The following AGBL4 variants were observed in gnomAD, a reference collection of about 807,000 sequenced individuals.
AGBL4 encodes AGBL carboxypeptidase 4.
A neutral mutation model predicts 66.4 loss-of-function variants in AGBL4; 58 were observed. That is an observed-to-expected ratio of 0.87 (90% CI 0.71 to 1.09). The LOEUF (loss-of-function observed/expected upper bound fraction) is 1.09. Among genes scored for constraint, AGBL4 ranks in the 50% least tolerant of loss-of-function variants. The pLI is 0.00. For synonymous variants in AGBL4, 234 were observed against 222.9 expected, an observed-to-expected ratio of 1.05 and a Z score of -0.44; for missense variants, 579 against 631.0, an observed-to-expected ratio of 0.92 and a Z score of 0.88.
chr1:49,874,126 A>C (rs978342054), intron 1 of AGBL4, among the ~76,000 whole-genome samples: 4 of 152,152 alleles, frequency 2.6e-5, no homozygotes, highest in Non-Finnish European at 4.4e-5. Context: ...TAATGTTTTT[A>C]CTACAAATAA....
intron 3 of AGBL4, among the ~76,000 whole-genome samples, chr1:49,505,949 T>C (rs1648639772): frequency 6.6e-6 from 1 of 152,036 alleles, no homozygotes; most frequent in Non-Finnish European, 1.5e-5. Flanking sequence ...ATAATCTGTC[T>C]TCAGGTTTAC....
chr1:49,032,036 T>C (rs1557579218), intron 5 of AGBL4, among the ~76,000 whole-genome samples: 1 of 152,090 alleles, frequency 6.6e-6, no homozygotes, highest in Admixed American at 6.5e-5. Flanking sequence ...ATTAGGCAAA[T>C]GGCAATAGAG....
In AGBL4 at chr1:49,659,888, G is replaced by A. The variant is rs777918871; in HGVS notation, c.282+37425C>T. Among the ~76,000 whole-genome samples the A allele has an allele frequency of 6.0e-4, 92 of 152,094 alleles. 1 individual carries two copies. The highest frequency in any genetic ancestry group is 1.4e-3 in the Admixed American group (22 of 15,248). On this transcript the variant is annotated intron_variant, in intron 3 of 13. Coordinates refer to ENST00000371839, the MANE Select transcript of AGBL4 (RefSeq NM_032785.4). ...GGAAGTAAATCACTCCTCAGCAAAT[G>A]CAAGGCTACAGTAACCGAAACAGCA... is the stretch of plus-strand genomic sequence containing the variant.
Position 49,473,374 on chromosome 1 carries a change from T to G in AGBL4, c.282+223939A>C, listed in dbSNP as rs567135112. ...GATGGTACCTCATTGTGGTTTTGATTTGTATCTGTTTGATGATTAGTGAGG... is the reference window on the plus strand; with the variant it reads ...GATGGTACCTCATTGTGGTTTTGATGTGTATCTGTTTGATGATTAGTGAGG... On this transcript the variant is annotated intron_variant, in intron 3 of 13. Coordinates refer to ENST00000371839, the MANE Select transcript of AGBL4 (RefSeq NM_032785.4). 2.0e-5 allele frequency among the ~76,000 whole-genome samples: 3 copies of G among 152,210 alleles called. No individual in the cohort carries two copies. In the South Asian group the frequency reaches 6.2e-4, roughly 32 times the overall value.
intron 3 of AGBL4, among the ~76,000 whole-genome samples, chr1:49,548,140 G>T (rs1010012850): frequency 1.3e-5 from 2 of 152,130 alleles, no homozygotes; most frequent in Non-Finnish European, 2.9e-5. Flanking sequence ...ACTGATTTGT[G>T]TACACTAGTC....
chr1:49,352,866 T>G (rs986800273), intron 3 of AGBL4, among the ~76,000 whole-genome samples: 1 of 152,178 alleles, frequency 6.6e-6, no homozygotes, highest in African/African-American at 2.4e-5. Context: ...AAATGTCACA[T>G]AGTAGTAGCA....
At chr1:49,382,654 C>T (rs1185208725) in intron 3 of AGBL4, among the ~76,000 whole-genome samples, 1 of 152,024 alleles carries the variant, frequency 6.6e-6, no homozygotes, top group Admixed American at 6.6e-5. Context: ...ACTGGAAGTC[C>T]TAGTCAGAGT....
At chr1:49,202,543 A>T (rs1647790010) in intron 4 of AGBL4, among the ~76,000 whole-genome samples, 1 of 152,132 alleles carries the variant, frequency 6.6e-6, no homozygotes, top group Non-Finnish European at 1.5e-5. Flanking sequence ...CTTCTTCAAC[A>T]ATTGGTATTG....
At chr1:48,657,981 C>T (rs1646047394) in intron 7 of AGBL4, among the ~76,000 whole-genome samples, 1 of 152,174 alleles carries the variant, frequency 6.6e-6, no homozygotes, top group Non-Finnish European at 1.5e-5. Flanking sequence ...TTTTTAGTGC[C>T]TAGCTCAGTG....
At chr1:48,590,761 C>G in intron 10 of AGBL4, 72 bp downstream of exon 10, 1 of 1,492,336 alleles carries the variant, frequency 6.7e-7, no homozygotes, top group Non-Finnish European at 9.0e-7. Flanking sequence ...GCAAACTGAA[C>G]TGAGTGAGAA....
chr1:48,724,555 G>C (rs550168246), intron 6 of AGBL4, among the ~76,000 whole-genome samples: 1 of 152,284 alleles, frequency 6.6e-6, no homozygotes, highest in African/African-American at 2.4e-5. Flanking sequence ...TAAATGCAAA[G>C]GGAAGGATAC....
At chr1:49,269,333 C>A (rs551937604) in intron 3 of AGBL4, 20 of 152,148 alleles carry the variant, frequency 1.3e-4, no homozygotes, top group African/African-American at 4.3e-4. Flanking sequence ...TGAAAGAAAT[C>A]AAAATATTTT....
chr1:48,653,060 G>A (rs2148442098), intron 8 of AGBL4, among the ~76,000 whole-genome samples: 1 of 152,246 alleles, frequency 6.6e-6, no homozygotes, highest in South Asian at 2.1e-4. Flanking sequence ...GACTCCCCAA[G>A]GTTACATGGA....
intron 3 of AGBL4, among the ~76,000 whole-genome samples, chr1:49,629,324 C>A (rs994820490): frequency 1.3e-5 from 2 of 152,296 alleles, no homozygotes; most frequent in Non-Finnish European, 2.9e-5. Flanking sequence ...TAACCTAAAC[C>A]ATTCCCCCAA....
chr1:49,865,658 GA>G (rs757358334), intron 1 of AGBL4, among the ~76,000 whole-genome samples: 7 of 152,010 alleles, frequency 4.6e-5, no homozygotes, highest in Non-Finnish European at 1.0e-4. Flanking sequence ...AAGAATCAAT[GA>G]AAAAAACACT....
At chr1:49,634,449 T>C (rs922803498) in intron 3 of AGBL4, among the ~76,000 whole-genome samples, 5 of 152,210 alleles carry the variant, frequency 3.3e-5, no homozygotes, top group African/African-American at 1.2e-4. Context: ...ACATCTTCTT[T>C]ATCCAGTCTA....
chr1:48,554,547 G>A (rs1406279501), intron 11 of AGBL4, among the ~76,000 whole-genome samples: 2 of 152,146 alleles, frequency 1.3e-5, no homozygotes, highest in African/African-American at 4.8e-5. Context: ...CCTAGGAAGT[G>A]TGTGATTATA....
At chr1:48,853,037 TA>T (rs1391153508) in intron 6 of AGBL4, among the ~76,000 whole-genome samples, 1 of 152,170 alleles carries the variant, frequency 6.6e-6, no homozygotes. Flanking sequence ...ATAGAAATGA[TA>T]GGCTATGGCT....
chr1:49,995,427 C>T (rs1368627151), intron 1 of AGBL4: 1 of 384,538 alleles, frequency 2.6e-6, no homozygotes, highest in Non-Finnish European at 5.2e-6. Context: ...AGCCATAATC[C>T]CCCTGAGAAC....
Sources: allele counts gnomAD v4.1 joint callset (sites outside exome capture counted in the v4.1 genomes callset), GRCh38; gene constraint gnomAD v4.1.1; transcripts MANE v1.5; gene names NCBI Gene and HGNC (gene_info 2026-07-23, HGNC 2026-07-21).